FOXN3: variants seen among roughly 807,000 people sequenced by gnomAD.
FOXN3 encodes forkhead box N3, also known as forkhead box protein N3.
Under a neutral mutation model 38.4 loss-of-function variants are expected in FOXN3, and 7 were observed. The ratio of observed to expected loss-of-function variants is 0.18; its 90% confidence interval spans 0.10 to 0.34. FOXN3 has a LOEUF of 0.34. Ranked by LOEUF, FOXN3 falls within the 10% of genes least tolerant of loss-of-function variation. FOXN3 has a pLI of 1.00. For synonymous variants in FOXN3, 230 were observed against 242.2 expected (o/e 0.95, Z 0.47); for missense variants, 456 against 613.4 (o/e 0.74, Z 2.71).
chr14:89,284,088 C>G, intron 3 of FOXN3, among the ~76,000 whole-genome samples: 1 of 152,156 alleles, frequency 6.6e-6, no homozygotes, highest in East Asian at 1.9e-4. Context: ...AGGTTGGTCT[C>G]GAACTCCTGA....
intron 1 of FOXN3, among the ~76,000 whole-genome samples, chr14:89,528,054 C>A (rs978484556): frequency 3.9e-5 from 6 of 152,242 alleles, no homozygotes; most frequent in African/African-American, 9.6e-5. Flanking sequence ...AACTCTCATA[C>A]CCTGCTGGTA....
At chr14:89,246,797 C>T (rs1885313322) in intron 4 of FOXN3, among the ~76,000 whole-genome samples, 2 of 152,036 alleles carry the variant, frequency 1.3e-5, no homozygotes, top group South Asian at 4.1e-4. Flanking sequence ...CCTCAGCCTC[C>T]CAAAGTGCTG....
intron 2 of FOXN3, among the ~76,000 whole-genome samples, chr14:89,396,344 G>C (rs7150132): frequency 1.5e-3 from 233 of 152,356 alleles, no homozygotes; most frequent in African/African-American, 5.4e-3. Context: ...AGAGAAAAGA[G>C]CATCAGGCCA....
chr14:89,454,685 C>A (rs145913394), intron 1 of FOXN3, among the ~76,000 whole-genome samples: 1 of 152,144 alleles, frequency 6.6e-6, no homozygotes, highest in Admixed American at 6.5e-5. Context: ...TTTAAAAGAA[C>A]GAGGTAAACT....
chr14:89,583,833 T>C (rs1179869130), intron 1 of FOXN3, among the ~76,000 whole-genome samples: 1 of 150,970 alleles, frequency 6.6e-6, no homozygotes, highest in Non-Finnish European at 1.5e-5. Flanking sequence ...GTGCTGGGAT[T>C]ATAGGTGTCA....
rs34340241 is a variant in FOXN3, at chr14:89,522,019, C to CAA, written c.-15+97007_-15+97008dup. 2.4e-3 allele frequency among the ~76,000 whole-genome samples: 323 copies of CAA among 137,392 alleles called. 3 individuals are homozygous for CAA. The highest frequency in any genetic ancestry group is 0.022 in the South Asian group (96 of 4,378). The allele number at this position is 137,392 out of a possible 152,430, so 90.1% of individuals were successfully genotyped here. A position where few individuals can be genotyped will look rare whatever the true frequency, so the allele number is the denominator to read the frequency against. ...TGGATGACAGAATGAGACCCTGTCT[C>CAA]AAAAAAAAAGAAAAAAGAAAGAAAA... On this transcript the variant is annotated intron_variant, in intron 1 of 6. Transcript: ENST00000345097.
chr14:89,443,891 C>T (rs1418207269), intron 1 of FOXN3, among the ~76,000 whole-genome samples: 1 of 151,634 alleles, frequency 6.6e-6, no homozygotes, highest in African/African-American at 2.4e-5. Flanking sequence ...TGCCTGTAAT[C>T]CCAGCTACTC....
At chr14:89,527,266 C>T (rs929405158) in intron 1 of FOXN3, among the ~76,000 whole-genome samples, 4 of 152,122 alleles carry the variant, frequency 2.6e-5, no homozygotes, top group African/African-American at 9.7e-5. Flanking sequence ...AAACATAAGA[C>T]TATAAAACTG....
intron 1 of FOXN3, among the ~76,000 whole-genome samples, chr14:89,424,853 T>G (rs1207380300): frequency 6.6e-6 from 1 of 151,948 alleles, no homozygotes; most frequent in African/African-American, 2.4e-5. Flanking sequence ...CCACTAAATG[T>G]GGTTACAAGT....
At chr14:89,303,045 C>T (rs1566951192) in intron 3 of FOXN3, among the ~76,000 whole-genome samples, 2 of 152,178 alleles carry the variant, frequency 1.3e-5, no homozygotes, top group South Asian at 2.1e-4. Context: ...CAAAATGACT[C>T]CTGGCTCCCT....
At chr14:89,366,738 C>A (rs1890170878) in intron 2 of FOXN3, among the ~76,000 whole-genome samples, 1 of 152,164 alleles carries the variant, frequency 6.6e-6, no homozygotes, top group South Asian at 2.1e-4. Context: ...AGTACCTCCA[C>A]TTTCTTTAAG....
At chr14:89,353,147 T>C (rs1025902959) in intron 2 of FOXN3, among the ~76,000 whole-genome samples, 3 of 152,116 alleles carry the variant, frequency 2.0e-5, no homozygotes, top group African/African-American at 7.2e-5. Context: ...GTTTCCTGAG[T>C]GGCCCTGCAC....
intron 3 of FOXN3, among the ~76,000 whole-genome samples, chr14:89,295,576 G>C (rs1456044639): frequency 6.6e-6 from 1 of 151,648 alleles, no homozygotes; most frequent in Non-Finnish European, 1.5e-5. Flanking sequence ...AAACACTAAG[G>C]ATTTTTTTTT....
intron 1 of FOXN3, among the ~76,000 whole-genome samples, chr14:89,447,449 G>C (rs1566659512): frequency 6.6e-6 from 1 of 151,908 alleles, no homozygotes; most frequent in Non-Finnish European, 1.5e-5. Flanking sequence ...AAAAACTGAG[G>C]GCTAGACTCA....
At chr14:89,358,004 G>C (rs1452460415) in intron 2 of FOXN3, among the ~76,000 whole-genome samples, 1 of 152,100 alleles carries the variant, frequency 6.6e-6, no homozygotes, top group Non-Finnish European at 1.5e-5. Context: ...ACATCAACTG[G>C]TTCCTCTGTA....
intron 5 of FOXN3, among the ~76,000 whole-genome samples, chr14:89,168,047 A>T (rs1346861483): frequency 6.6e-6 from 1 of 152,242 alleles, no homozygotes; most frequent in Non-Finnish European, 1.5e-5. Context: ...AACCCAAGCC[A>T]CAAGGAATTT....
In FOXN3 at chr14:89,383,551, G is replaced by A. The variant is rs569135801; in HGVS notation, c.543+28383C>T. Among the ~76,000 whole-genome samples the A allele has an allele frequency of 1.1e-4, 17 of 152,312 alleles. No individual in the cohort carries two copies. The South Asian group carries it at 3.3e-3, about 30-fold the overall frequency. ...AATCAAGGAGCCGACAGGACCTGGG[G>A]AACATCCTTCCTTGCCTCCTCCTGG... On this transcript the variant is annotated intron_variant, in intron 2 of 5. Transcript: ENST00000557258.
intron 1 of FOXN3, among the ~76,000 whole-genome samples, chr14:89,439,888 T>A (rs1892344093): frequency 1.3e-5 from 2 of 152,058 alleles, no homozygotes; most frequent in African/African-American, 2.4e-5. Context: ...TCTCCTGACG[T>A]CGTGATCCAC....
At chr14:89,575,540 T>C (rs1178814514) in intron 1 of FOXN3, among the ~76,000 whole-genome samples, 2 of 152,140 alleles carry the variant, frequency 1.3e-5, no homozygotes, top group Admixed American at 6.5e-5. Flanking sequence ...CTGCAACTCA[T>C]TGTTATAGCC....
Sources: gnomAD v4.1 joint callset for allele counts (sites outside exome capture counted in the v4.1 genomes callset) on GRCh38, gnomAD v4.1.1 for gene constraint, MANE v1.5 for transcripts, NCBI Gene and HGNC (gene_info 2026-07-23, HGNC 2026-07-21) for gene names.